The following FOXP2 variants were observed in gnomAD, a reference collection of about 807,000 sequenced individuals.
FOXP2 encodes forkhead box P2.
FOXP2 carries 12 observed loss-of-function variants against 115.8 expected under a neutral mutation model. The observed-to-expected ratio is 0.10, with a 90% CI of 0.07 to 0.17. The LOEUF is 0.17. FOXP2 is among the 10% of genes least tolerant of loss of function. FOXP2 has a pLI of 1.00. For synonymous variants in FOXP2, 328 were observed against 297.7 expected, an observed-to-expected ratio of 1.10 and a Z score of -1.05; for missense variants, 629 against 843.5, an observed-to-expected ratio of 0.75 and a Z score of 3.15.
chr7:114,156,976 G>T (rs1792689049), intron 1 of FOXP2, among the ~76,000 whole-genome samples: 1 of 152,012 alleles, frequency 6.6e-6, no homozygotes, highest in Non-Finnish European at 1.5e-5. Context: ...CCAATGACTT[G>T]GTTGGCATGA....
chr7:114,374,038 C>T (rs1584675297), intron 2 of FOXP2, among the ~76,000 whole-genome samples: 3 of 152,080 alleles, frequency 2.0e-5, no homozygotes, highest in South Asian at 2.1e-4. Context: ...ATTTAGGCAA[C>T]GATTATATTA....
chr7:114,250,273 T>C (rs1795405856), intron 1 of FOXP2, among the ~76,000 whole-genome samples: 1 of 152,176 alleles, frequency 6.6e-6, no homozygotes, highest in African/African-American at 2.4e-5. Flanking sequence ...CATGTGTCTT[T>C]ATAGCAGCAT....
intron 1 of FOXP2, among the ~76,000 whole-genome samples, chr7:114,167,349 A>G (rs1793009568): frequency 6.6e-6 from 1 of 152,218 alleles, no homozygotes; most frequent in African/African-American, 2.4e-5. Context: ...TGCATACTGT[A>G]TGATTCCAAC....
At chr7:114,176,599 C>T (rs773448251) in intron 1 of FOXP2, among the ~76,000 whole-genome samples, 5 of 151,754 alleles carry the variant, frequency 3.3e-5, no homozygotes, top group Non-Finnish European at 5.9e-5. Context: ...CCTTGGCCTC[C>T]CAGAGTGTTG....
chr7:114,274,603 CTTTTTTTTT>C (rs71157577), intron 1 of FOXP2, among the ~76,000 whole-genome samples: 25 of 42,572 alleles, frequency 5.9e-4, no homozygotes, highest in Non-Finnish European at 8.8e-4. Flanking sequence ...CCTCTCAAAG[CTTTTTTTTT>C]TTTTTTTTTT....
At chr7:114,087,873 C>G (rs993960885) in intron 1 of FOXP2, 6 of 151,998 alleles carry the variant, frequency 3.9e-5, no homozygotes, top group African/African-American at 1.2e-4. Context: ...CATGGGGTGA[C>G]GCTTTGATTA....
intron 2 of FOXP2, among the ~76,000 whole-genome samples, chr7:114,359,872 T>A (rs1791704729): frequency 6.6e-6 from 1 of 152,116 alleles, no homozygotes. Flanking sequence ...AGATGAGACA[T>A]TGGACTGTGG....
intron 2 of FOXP2, among the ~76,000 whole-genome samples, chr7:114,404,546 A>G (rs1451769722): frequency 6.6e-6 from 1 of 152,110 alleles, no homozygotes; most frequent in Non-Finnish European, 1.5e-5. Flanking sequence ...TTTCTCAGAA[A>G]TGAAGCATAT....
intron 3 of FOXP2, among the ~76,000 whole-genome samples, chr7:114,550,112 C>CTTTTTTTT (rs941573098): frequency 7.7e-4 from 79 of 103,266 alleles, no homozygotes; most frequent in African/African-American, 1.8e-3. Context: ...CCTTTCTTTT[C>CTTTTTTTT]TTTTTTTTTT....
rs146821196 is a variant in FOXP2, at chr7:114,299,479, T to C, written c.-11+11370T>C. ...TGATAATCCTATTCTTTTGCCAGTA[T>C]GGCTTATTTATATTTTTTTATTAAT... is the stretch of plus-strand genomic sequence containing the variant. On this transcript the variant is annotated intron_variant, in intron 2 of 17. Coordinates refer to the FOXP2 transcript ENST00000634411. Among the ~76,000 whole-genome samples, 884 of 151,954 alleles carry C rather than the reference T, an allele frequency of 5.8e-3. 12 individuals carry two copies. The highest frequency in any genetic ancestry group is 0.02 in the African/African-American group (851 of 41,532).
At chr7:114,337,023 C>T (rs1040410770) in intron 2 of FOXP2, among the ~76,000 whole-genome samples, 1 of 151,386 alleles carries the variant, frequency 6.6e-6, no homozygotes, top group Non-Finnish European at 1.5e-5. Flanking sequence ...AGCATAAAAG[C>T]GTTTCTATGG....
chr7:114,496,827 G>A (rs981242614), intron 2 of FOXP2, among the ~76,000 whole-genome samples: 20 of 152,016 alleles, frequency 1.3e-4, no homozygotes, highest in Non-Finnish European at 2.4e-4. Flanking sequence ...TATATATGTA[G>A]TATTTACCTA....
At chr7:114,300,570 G>A (rs1341223462) in intron 2 of FOXP2, among the ~76,000 whole-genome samples, 1 of 151,828 alleles carries the variant, frequency 6.6e-6, no homozygotes, top group Non-Finnish European at 1.5e-5. Context: ...TTCTCAACTG[G>A]TTGCAATTCT....
intron 1 of FOXP2, among the ~76,000 whole-genome samples, chr7:114,114,231 A>G (rs1791345482): frequency 6.6e-6 from 1 of 151,078 alleles, no homozygotes; most frequent in Non-Finnish European, 1.5e-5. Flanking sequence ...AGAAGAATAT[A>G]TATATATATA....
rs545610965 is a variant in FOXP2 at position 114,435,298 on chromosome 7, T to A, written c.168+8619T>A. On this transcript the variant is annotated intron_variant, in intron 2 of 16. Coordinates refer to ENST00000350908, the MANE Select transcript of FOXP2 (RefSeq NM_014491.4). The stretch of plus-strand genomic sequence containing the variant: ...CAAGAAAGGTTTTAGGAAGGGCATT[T>A]TAATTGTTCATGAAGAGAGAGGATC... 1.2e-4 allele frequency among the ~76,000 whole-genome samples: 19 copies of A among 152,228 alleles called. No individual in the cohort carries two copies. In the South Asian group the frequency reaches 2.7e-3, roughly 22 times the overall value.
chr7:114,616,382 C>T (rs1490702485), intron 3 of FOXP2, among the ~76,000 whole-genome samples: 1 of 152,084 alleles, frequency 6.6e-6, no homozygotes, highest in South Asian at 2.1e-4. Flanking sequence ...AAGCTGGTCT[C>T]GAACTCCTGA....
intron 1 of FOXP2, among the ~76,000 whole-genome samples, chr7:114,422,826 A>G (rs554782514): frequency 9.9e-5 from 15 of 151,818 alleles, no homozygotes; most frequent in Non-Finnish European, 1.8e-4. Context: ...ACAGTTTTAT[A>G]CCAATAGAAC....
At chr7:114,485,071 A>G (rs927767777) in intron 2 of FOXP2, among the ~76,000 whole-genome samples, 3 of 151,956 alleles carry the variant, frequency 2.0e-5, no homozygotes, top group Non-Finnish European at 4.4e-5. Flanking sequence ...AAATATCATT[A>G]GTACTAGATT....
chr7:114,126,424 T>C (rs986407115), intron 1 of FOXP2, among the ~76,000 whole-genome samples: 1 of 152,150 alleles, frequency 6.6e-6, no homozygotes, highest in African/African-American at 2.4e-5. Flanking sequence ...TCATGAAATA[T>C]GAAAAAATAG....
Sources: allele counts gnomAD v4.1 joint callset (sites outside exome capture counted in the v4.1 genomes callset), GRCh38; gene constraint gnomAD v4.1.1; transcripts MANE v1.5; gene names NCBI Gene and HGNC (gene_info 2026-07-23, HGNC 2026-07-21).